TXLNB: variants seen among roughly 807,000 people sequenced by gnomAD.
TXLNB encodes beta-taxilin.
TXLNB carries 37 observed loss-of-function variants against 57.4 expected under a neutral mutation model. The ratio of observed to expected loss-of-function variants is 0.64; its 90% CI spans 0.50 to 0.85. The LOEUF (loss-of-function observed/expected upper bound fraction) is 0.85, where lower values mean the gene tolerates loss of function less well. Ranked by LOEUF, TXLNB falls within the 40% of genes least tolerant of loss-of-function variation. The probability of loss-of-function intolerance (pLI) is 0.00; values close to 1 mark genes in which losing one functional copy is unlikely to be tolerated. For synonymous variants in TXLNB, 302 were observed against 309.6 expected (o/e 0.98, Z 0.26); for missense variants, 848 against 825.6 (o/e 1.03, Z -0.33).
chr6:139,166,092 G>A, the TXLNB span: 1 of 540,158 alleles, frequency 1.9e-6, no homozygotes, highest in Non-Finnish European at 3.2e-6. Context: ...GATTCCACCA[G>A]ACTGGTTGGT....
the TXLNB span, among the ~76,000 whole-genome samples, chr6:139,214,012 G>A: frequency 6.6e-6 from 1 of 152,152 alleles, no homozygotes; most frequent in South Asian, 2.1e-4. Flanking sequence ...AAAAAGTCCA[G>A]GATCAGATGG....
the TXLNB span, among the ~76,000 whole-genome samples, chr6:139,216,085 A>G: frequency 6.6e-6 from 1 of 152,154 alleles, no homozygotes; most frequent in Non-Finnish European, 1.5e-5. Context: ...AGGGATCTAG[A>G]ACTAGAAATA....
the TXLNB span, among the ~76,000 whole-genome samples, chr6:139,302,609 CA>C: frequency 0.1 from 11,921 of 118,036 alleles, 1,263 homozygotes; most frequent in African/African-American, 0.26. Flanking sequence ...ACTAAAAATA[CA>C]AAAAAAAAAA....
In TXLNB at chr6:139,284,923, T is replaced by C. The variant is rs756298626; in HGVS notation, c.424+3553A>G. On this transcript the variant is annotated intron_variant, in intron 2 of 9. Transcript: ENST00000358430. Reference sequence around the variant, plus strand: ...AGCCTAAAAATGTTGTTTTCATGCATAATGTAGCTGTTAAATAGTACAGTG... The same window carrying C: ...AGCCTAAAAATGTTGTTTTCATGCACAATGTAGCTGTTAAATAGTACAGTG... Among the ~76,000 whole-genome samples the C allele has an allele frequency of 1.4e-5, 2 of 145,876 alleles. 1 individual carries two copies. The highest frequency in any genetic ancestry group is 3.1e-5 in the Non-Finnish European group (2 of 65,538).
At chr6:139,207,737 GACTA>G in the TXLNB span, among the ~76,000 whole-genome samples, 2 of 152,160 alleles carry the variant, frequency 1.3e-5, no homozygotes, top group East Asian at 1.9e-4. Flanking sequence ...CCGTTAGTGA[GACTA>G]ACTGAGAAAA....
At chr6:139,235,675 G>T (rs1258821102), downstream of TXLNB, among the ~76,000 whole-genome samples, 3 of 151,872 alleles carry the variant, frequency 2.0e-5, no homozygotes, top group Admixed American at 1.3e-4. Context: ...GAAAGGCAGG[G>T]TCCCTGGTGA....
At chr6:139,227,886 A>G in the TXLNB span, among the ~76,000 whole-genome samples, 2 of 152,116 alleles carry the variant, frequency 1.3e-5, no homozygotes, top group Non-Finnish European at 2.9e-5. Flanking sequence ...GGCAAAACAA[A>G]TGTGCTTTTC....
intron 3 of TXLNB, among the ~76,000 whole-genome samples, chr6:139,272,617 C>A (rs116766325): frequency 0.012 from 1,768 of 152,302 alleles, 36 homozygotes; most frequent in African/African-American, 0.041. Flanking sequence ...TTAAATATTT[C>A]TCATGCTAAG....
chr6:139,219,923 A>C, the TXLNB span, among the ~76,000 whole-genome samples: 1 of 152,102 alleles, frequency 6.6e-6, no homozygotes, highest in South Asian at 2.1e-4. Context: ...CTGCATTTTC[A>C]CTTGCGGTTT....
the TXLNB span, chr6:139,166,622 A>T: frequency 6.2e-7 from 1 of 1,614,226 alleles, no homozygotes; most frequent in Middle Eastern, 1.6e-4. Flanking sequence ...GAAAAAGAAG[A>T]AGTCTGGCTC....
chr6:139,221,659 G>C, the TXLNB span, among the ~76,000 whole-genome samples: 27 of 152,120 alleles, frequency 1.8e-4, no homozygotes, highest in African/African-American at 5.3e-4. Flanking sequence ...TGATGAGATA[G>C]AGCATTGTAC....
At chr6:139,274,510 C>T (rs533176222) in intron 3 of TXLNB, among the ~76,000 whole-genome samples, 12 of 152,156 alleles carry the variant, frequency 7.9e-5, no homozygotes, top group East Asian at 5.8e-4. Flanking sequence ...AAGTTTTTTA[C>T]GAGAGATGAT....
chr6:139,196,348 C>T, the TXLNB span, among the ~76,000 whole-genome samples: 1 of 142,620 alleles, frequency 7.0e-6, no homozygotes, highest in Admixed American at 7.1e-5. Flanking sequence ...GTCATAGCTA[C>T]TGTATCTCCA....
chr6:139,312,304 C>A, the TXLNB span, among the ~76,000 whole-genome samples: 5 of 152,228 alleles, frequency 3.3e-5, no homozygotes, highest in South Asian at 1.0e-3. Context: ...AAATCAATCT[C>A]TTTTTTAATC....
rs750818644 is a variant in TXLNB at position 139,242,860 on chromosome 6, G to A, written c.1721C>T (p.Pro574Leu). 6.2e-7 allele frequency: 1 copy of A among 1,614,144 alleles called. No homozygotes were observed. The highest frequency in any genetic ancestry group is 8.5e-7 in the Non-Finnish European group (1 of 1,180,036). The change falls in exon 10 of 10, where the codon CCC becomes CTC. Residue 574 changes from proline (P) to leucine (L), a missense_variant. Pro to Leu is a moderately conservative substitution (Grantham distance 98). Transcript: ENST00000358430. ...EAEGGSDAEP[P>L]SKASNSPAGL... ...GGCAGGAGAATTACTGGCCTTGGAGGGAGGTTCAGCATCACTGCCTCCTTC... is the reference window on the plus strand; with the variant it reads ...GGCAGGAGAATTACTGGCCTTGGAGAGAGGTTCAGCATCACTGCCTCCTTC...
upstream of TXLNB, among the ~76,000 whole-genome samples, chr6:139,296,819 G>A (rs1015060482): frequency 8.5e-5 from 13 of 152,218 alleles, no homozygotes; most frequent in South Asian, 1.5e-3. Context: ...AGACAGGGGC[G>A]GGCGAGAGGA....
the TXLNB span, among the ~76,000 whole-genome samples, chr6:139,186,958 T>C: frequency 1.3e-5 from 2 of 152,148 alleles, no homozygotes; most frequent in African/African-American, 2.4e-5. Flanking sequence ...TGGAGGAATA[T>C]TAATGAGAAG....
the TXLNB span, among the ~76,000 whole-genome samples, chr6:139,209,973 G>T: frequency 6.6e-6 from 1 of 151,976 alleles, no homozygotes; most frequent in Non-Finnish European, 1.5e-5. Context: ...ATCTGACAAA[G>T]GATTAATATC....
At chr6:139,214,428 G>A in the TXLNB span, among the ~76,000 whole-genome samples, 2 of 152,034 alleles carry the variant, frequency 1.3e-5, no homozygotes, top group Admixed American at 6.6e-5. Context: ...AAATTCAACA[G>A]CCCTTCATGC....
Sources: gnomAD v4.1 joint callset for allele counts (sites outside exome capture counted in the v4.1 genomes callset) on GRCh38, gnomAD v4.1.1 for gene constraint, MANE v1.5 for transcripts, NCBI Gene and HGNC (gene_info 2026-07-23, HGNC 2026-07-21) for gene names.